MYO6: variants seen among roughly 807,000 people sequenced by gnomAD.
MYO6 encodes unconventional myosin-VI.
A neutral mutation model predicts 178.7 loss-of-function variants in MYO6; 74 were observed. The observed-to-expected ratio is 0.41, with a 90% CI of 0.34 to 0.50. MYO6 has a LOEUF of 0.50. Among genes scored for constraint, MYO6 ranks in the 20% least tolerant of loss-of-function variants. The pLI, the probability that MYO6 is intolerant of heterozygous loss-of-function variation, is 0.09. For synonymous variants in MYO6, 477 were observed against 504.6 expected (o/e 0.95, Z 0.73); for missense variants, 1,330 against 1,547.4 (o/e 0.86, Z 2.36).
intron 2 of MYO6, among the ~76,000 whole-genome samples, chr6:75,822,096 T>C (rs1771943428): frequency 6.6e-6 from 1 of 151,984 alleles, no homozygotes; most frequent in Admixed American, 6.6e-5. Context: ...GATGGAATTT[T>C]TTTCTGTCTT....
chr6:75,768,780 A>G (rs1302006910), intron 1 of MYO6, among the ~76,000 whole-genome samples: 2 of 152,290 alleles, frequency 1.3e-5, no homozygotes, highest in East Asian at 1.9e-4. Context: ...TATATGAACT[A>G]TTTTGCCATA....
chr6:75,750,479 A>G (rs1776781703), intron 1 of MYO6, among the ~76,000 whole-genome samples: 1 of 151,412 alleles, frequency 6.6e-6, no homozygotes, highest in South Asian at 2.1e-4. Flanking sequence ...GTGAGAAATG[A>G]GGAGCACTGC....
At chr6:75,889,923 T>TA (rs1778768567) in intron 25 of MYO6, 134 bp from the exon 26 acceptor site, 1 of 748,302 alleles carries the variant, frequency 1.3e-6, no homozygotes. Context: ...TTTTAAATTG[T>TA]AAAAAACAAT....
chr6:75,884,546 G>T (rs1778280070), intron 23 of MYO6, among the ~76,000 whole-genome samples: 1 of 152,192 alleles, frequency 6.6e-6, no homozygotes, highest in Non-Finnish European at 1.5e-5. Context: ...GATTTATCAA[G>T]ATAGGAATTG....
Position 75,907,847 on chromosome 6 carries a change from T to C in MYO6, c.3280+139T>C, listed in dbSNP as rs528297215. ...GTGTATGTACATATAATACCTATATTATCTGAATCTTTTGGTCCATGAATG... is the reference window on the plus strand; with the variant it reads ...GTGTATGTACATATAATACCTATATCATCTGAATCTTTTGGTCCATGAATG... On this transcript the variant is annotated intron_variant, in intron 31 of 34. Coordinates refer to ENST00000369977, the MANE Select transcript of MYO6 (RefSeq NM_004999.4). The C allele has an allele frequency of 4.3e-6, 3 of 691,270 alleles. No homozygotes were observed. The South Asian group carries it at 4.9e-5, about 11-fold the overall frequency. 42.8% of individuals were successfully genotyped at this position (691,270 alleles called of 1,614,324 possible).
At chr6:75,894,865 C>A in intron 28 of MYO6, 3 of 1,404,896 alleles carry the variant, frequency 2.1e-6, no homozygotes, top group South Asian at 1.4e-5. Context: ...CTATGTATGT[C>A]ATATGTTCTG....
rs116583920 is a variant in MYO6, at chr6:75,866,214, G to A, written c.1675-312G>A. 6.9e-3 allele frequency among the ~76,000 whole-genome samples: 1,044 copies of A among 151,570 alleles called. 9 individuals are homozygous for A. Among genetic ancestry groups the A allele is most frequent in the African/African-American group, 0.024 (984 of 41,308 alleles). On this transcript the variant is annotated intron_variant, in intron 16 of 34. Transcript: ENST00000369977. ...TTAAAAAAAAATTTTTTTATTACAAGCATGTTCTTTTAAATTGTGTTTTTT... is the reference window on the plus strand; with the variant it reads ...TTAAAAAAAAATTTTTTTATTACAAACATGTTCTTTTAAATTGTGTTTTTT...
intron 4 of MYO6, among the ~76,000 whole-genome samples, chr6:75,829,697 T>A (rs1046006292): frequency 2.0e-5 from 3 of 152,182 alleles, no homozygotes; most frequent in African/African-American, 7.2e-5. Context: ...TATTCTTGAT[T>A]AGAAATATAT....
chr6:75,917,927 A>G lies in MYO6; in HGVS notation c.*2915A>G, dbSNP rs926843942. On this transcript the variant is annotated 3_prime_UTR_variant, in exon 35 of 35. Transcript: ENST00000369977. ...GTAGCTTAAGAGTACTTGGATCAGTAGAATAAATATTTATTGAATCAATCA... is the reference window on the plus strand; with the variant it reads ...GTAGCTTAAGAGTACTTGGATCAGTGGAATAAATATTTATTGAATCAATCA... The G allele has an allele frequency of 3.3e-5, 5 of 152,602 alleles. No homozygotes were observed. Among genetic ancestry groups the G allele is most frequent in the South Asian group, 2.1e-4 (1 of 4,832 alleles). The allele number at this position is 152,602 out of a possible 1,614,324, so 9.5% of individuals were successfully genotyped here. A position where few individuals can be genotyped will look rare whatever the true frequency, so the allele number is the denominator to read the frequency against.
intron 1 of MYO6, among the ~76,000 whole-genome samples, chr6:75,764,034 A>G (rs1203227611): frequency 6.6e-6 from 1 of 151,774 alleles, no homozygotes; most frequent in African/African-American, 2.4e-5. Flanking sequence ...TTCTTTTCCA[A>G]CCTCTTCATC....
At position 75,864,069 on chromosome 6, in the gene MYO6, TAACAAC is replaced by T. The variant is rs553965864; in HGVS notation, c.1674+1364_1674+1369del. On this transcript the variant is annotated intron_variant, in intron 16 of 34. Transcript: ENST00000369977. ...TGCCTCATCTCATAGACAACATCAT[TAACAAC>T]AACAACAACAACAACAAACAGGAGA... Among the ~76,000 whole-genome samples the T allele has an allele frequency of 9.4e-4, 143 of 151,914 alleles. 1 individual carries two copies. Among genetic ancestry groups the T allele is most frequent in the Middle Eastern group, 6.8e-3 (2 of 294 alleles).
At chr6:75,851,036 T>C (rs955826273) in intron 11 of MYO6, among the ~76,000 whole-genome samples, 1 of 152,212 alleles carries the variant, frequency 6.6e-6, no homozygotes, top group African/African-American at 2.4e-5. Context: ...AGCATTGTTA[T>C]ACCAAAGGAG....
At chr6:75,833,626 G>A (rs1264735956) in intron 6 of MYO6, among the ~76,000 whole-genome samples, 8 of 152,206 alleles carry the variant, frequency 5.3e-5, no homozygotes, top group Non-Finnish European at 1.5e-5. Flanking sequence ...GTTGTAGTAT[G>A]TGTCAGAATT....
intron 9 of MYO6, among the ~76,000 whole-genome samples, chr6:75,842,952 G>A (rs1230003037): frequency 6.6e-6 from 1 of 152,202 alleles, no homozygotes; most frequent in African/African-American, 2.4e-5. Flanking sequence ...TGTTTCTGCA[G>A]TGTGAACCAG....
intron 30 of MYO6, among the ~76,000 whole-genome samples, chr6:75,900,686 C>G (rs1302889675): frequency 6.6e-6 from 1 of 152,142 alleles, no homozygotes; most frequent in Non-Finnish European, 1.5e-5. Context: ...TGTGGGTTGC[C>G]TGTTCACTAG....
In MYO6 at chr6:75,886,977, T is replaced by C. The variant is rs1268107327; in HGVS notation, c.2641T>C (p.Leu881=). The part of the protein sequence containing the change: ...IKNLEISIDT[L]MAKIKSTMMT... ...GAATCTGGAAATTTCTATTGATACT[T>C]TGATGGCCAAAATTAAGGTATGTAA... The change falls in exon 25 of 35, where the codon TTG becomes CTG. Residue 881 remains leucine (L), a synonymous_variant. Coordinates refer to ENST00000369977, the MANE Select transcript of MYO6 (RefSeq NM_004999.4). 6.2e-7 allele frequency: 1 copy of C among 1,613,494 alleles called. No homozygotes were observed. Among genetic ancestry groups the C allele is most frequent in the Non-Finnish European group, 8.5e-7 (1 of 1,179,718 alleles).
chr6:75,815,110 G>A (rs959535879), intron 1 of MYO6, among the ~76,000 whole-genome samples: 2 of 152,202 alleles, frequency 1.3e-5, no homozygotes, highest in Non-Finnish European at 2.9e-5. Context: ...AGGCAGCTGA[G>A]TTAATTACAG....
chr6:75,792,648 G>T (rs903243323), intron 1 of MYO6, among the ~76,000 whole-genome samples: 1 of 152,036 alleles, frequency 6.6e-6, no homozygotes, highest in Non-Finnish European at 1.5e-5. Context: ...TAGGTGGTGG[G>T]TATAATATGT....
rs558015163 is a variant in MYO6 at position 75,914,063 on chromosome 6, C to T, written c.3440C>T (p.Pro1147Leu). ...YDFAPFLNNS[P>L]QQNPAAQIPA... is the part of the protein sequence containing the mutation. ...TAACTTTCCTTGTTCTGTGTAATAG[C>T]TCAGCAAAACCCAGCAGCTCAGATT... is the stretch of plus-strand genomic sequence containing the variant. The change falls in exon 34 of 35, where the codon CCT becomes CTT. Residue 1147 changes from proline to leucine, a missense_variant and splice_region_variant. Physicochemically the swap from Pro to Leu is moderately conservative, Grantham distance 98. Transcript: ENST00000369977. 3 of 1,613,874 alleles carry T rather than the reference C, an allele frequency of 1.9e-6. No individual in the cohort carries two copies. In the African/African-American group the frequency reaches 4.0e-5, roughly 22 times the overall value.
Sources: gnomAD v4.1 joint callset for allele counts (sites outside exome capture counted in the v4.1 genomes callset) on GRCh38, gnomAD v4.1.1 for gene constraint, MANE v1.5 for transcripts, NCBI Gene and HGNC (gene_info 2026-07-23, HGNC 2026-07-21) for gene names.